The following STX8 variants were observed in gnomAD, a reference collection of about 807,000 sequenced individuals.
The protein encoded by STX8 is syntaxin-8.
In STX8, 23 loss-of-function variants were observed where a neutral mutation model predicts 37.5. The ratio of observed to expected loss-of-function variants is 0.61; its 90% CI spans 0.44 to 0.87. The LOEUF is 0.87. Among genes scored for constraint, STX8 ranks in the 40% least tolerant of loss-of-function variants. The probability of loss-of-function intolerance (pLI) is 0.00; values close to 1 mark genes in which losing one functional copy is unlikely to be tolerated. For missense variants in STX8, 313 were observed against 284.7 expected, an observed-to-expected ratio of 1.10 and a Z score of -0.71; for synonymous variants, 115 against 99.1, an observed-to-expected ratio of 1.16 and a Z score of -0.95.
chr17:9,329,279 C>T (rs1909885370), intron 7 of STX8, among the ~76,000 whole-genome samples: 1 of 152,124 alleles, frequency 6.6e-6, no homozygotes, highest in Admixed American at 6.6e-5. Flanking sequence ...ACTTTCACCT[C>T]CTTTTATAGG....
At chr17:9,559,741 T>TATATATACAC (rs1555537477) in intron 2 of STX8, among the ~76,000 whole-genome samples, 1 of 27,258 alleles carries the variant, frequency 3.7e-5, no homozygotes, top group East Asian at 1.1e-3. Flanking sequence ...ATTTTATATA[T>TATATATACAC]ATATATATAT....
intron 5 of STX8, among the ~76,000 whole-genome samples, chr17:9,502,755 T>C (rs954959578): frequency 1.3e-5 from 2 of 152,122 alleles, no homozygotes; most frequent in Non-Finnish European, 2.9e-5. Context: ...AACAGGTGAA[T>C]GGATACACAG....
intron 4 of STX8, among the ~76,000 whole-genome samples, chr17:9,529,841 G>A (rs1339641803): frequency 6.6e-6 from 1 of 152,178 alleles, no homozygotes; most frequent in African/African-American, 2.4e-5. Context: ...GAAAAGCACT[G>A]TAAACAGAGA....
At chr17:9,283,129 T>TCA in intron 7 of STX8, 1 of 151,904 alleles carries the variant, frequency 6.6e-6, no homozygotes, top group East Asian at 1.9e-4. Context: ...TTACAGATGT[T>TCA]GTGACCCTGG....
At chr17:9,426,066 T>C (rs938352237) in intron 6 of STX8, among the ~76,000 whole-genome samples, 1 of 31,982 alleles carries the variant, frequency 3.1e-5, no homozygotes, top group Non-Finnish European at 6.3e-5. Flanking sequence ...ACAATCTGTC[T>C]TTAATCTGAT....
intron 3 of STX8, chr17:9,555,286 C>T (rs1906920163): frequency 1.3e-5 from 2 of 152,232 alleles, no homozygotes; most frequent in Middle Eastern, 3.4e-3. Flanking sequence ...TTTAGGAGAA[C>T]AAAGTCAATT....
intron 7 of STX8, among the ~76,000 whole-genome samples, chr17:9,278,389 C>T (rs531845452): frequency 2.4e-4 from 37 of 151,454 alleles, no homozygotes; most frequent in South Asian, 1.0e-3. Flanking sequence ...GCGGAGGTTG[C>T]GATGAGCTGA....
intron 6 of STX8, among the ~76,000 whole-genome samples, chr17:9,458,987 G>T (rs571068359): frequency 1.3e-5 from 2 of 151,954 alleles, no homozygotes; most frequent in African/African-American, 4.8e-5. Context: ...CCACCACCAC[G>T]CCCGGCTAAT....
chr17:9,373,630 A>C (rs1196038205), intron 7 of STX8, among the ~76,000 whole-genome samples: 2 of 152,150 alleles, frequency 1.3e-5, no homozygotes, highest in Admixed American at 1.3e-4. Flanking sequence ...GTCTTGGATA[A>C]ATTTCAGTTT....
chr17:9,501,039 G>A (rs1904591603), intron 5 of STX8, among the ~76,000 whole-genome samples: 1 of 151,980 alleles, frequency 6.6e-6, no homozygotes, highest in Non-Finnish European at 1.5e-5. Context: ...GAACTATTTA[G>A]GGATAAATAG....
At chr17:9,568,270 C>A in intron 2 of STX8, 101 bp downstream of exon 2, 1 of 797,358 alleles carries the variant, frequency 1.3e-6, no homozygotes, top group Non-Finnish European at 2.0e-6. Flanking sequence ...GATAGATCAT[C>A]ATACACACAT....
intron 4 of STX8, among the ~76,000 whole-genome samples, chr17:9,526,819 C>T (rs1038859143): frequency 5.3e-5 from 8 of 151,000 alleles, no homozygotes; most frequent in Middle Eastern, 3.5e-3. Context: ...GCTGACATCA[C>T]GCCATTGTAC....
chr17:9,480,921 G>A (rs1906310855), intron 6 of STX8, among the ~76,000 whole-genome samples: 1 of 147,074 alleles, frequency 6.8e-6, no homozygotes, highest in African/African-American at 2.7e-5. Flanking sequence ...GCCTTGCTCT[G>A]TCGCCCAGGC....
At chr17:9,463,378 C>T (rs1282133013) in intron 6 of STX8, among the ~76,000 whole-genome samples, 1 of 152,210 alleles carries the variant, frequency 6.6e-6, no homozygotes, top group African/African-American at 2.4e-5. Context: ...CACAGAATTA[C>T]TGATAATAAC....
intron 6 of STX8, among the ~76,000 whole-genome samples, chr17:9,429,911 A>C (rs1294128086): frequency 0.042 from 117 of 2,776 alleles, 10 homozygotes; most frequent in Non-Finnish European, 0.057. Flanking sequence ...ATTATATATT[A>C]TATATAATAT....
At chr17:9,322,246 AC>A (rs1909599872) in intron 7 of STX8, among the ~76,000 whole-genome samples, 2 of 152,380 alleles carry the variant, frequency 1.3e-5, no homozygotes, top group Middle Eastern at 3.4e-3. Flanking sequence ...CTAGGTCATT[AC>A]AAAGAGGAAG....
chr17:9,250,745 T>G (rs1327239145), intron 7 of STX8, 100 bp from the exon 8 acceptor site: 11 of 1,250,312 alleles, frequency 8.8e-6, no homozygotes, highest in African/African-American at 3.0e-5. Flanking sequence ...TGTAGTTCCC[T>G]CTGAGCCTTC....
intron 6 of STX8, among the ~76,000 whole-genome samples, chr17:9,436,545 C>A (rs1904439401): frequency 6.6e-6 from 1 of 152,144 alleles, no homozygotes; most frequent in Non-Finnish European, 1.5e-5. Context: ...AGATGGCCAA[C>A]ACGCTTCGGA....
At chr17:9,454,705 A>C (rs1009161393) in intron 6 of STX8, among the ~76,000 whole-genome samples, 1 of 151,360 alleles carries the variant, frequency 6.6e-6, no homozygotes, top group African/African-American at 2.4e-5. Context: ...AAAACTTATG[A>C]ATTGTTTTTC....
Sources: gnomAD v4.1 joint callset for allele counts (sites outside exome capture counted in the v4.1 genomes callset) on GRCh38, gnomAD v4.1.1 for gene constraint, MANE v1.5 for transcripts, NCBI Gene and HGNC (gene_info 2026-07-23, HGNC 2026-07-21) for gene names.